The following COL19A1 variants were observed in gnomAD, a reference collection of about 807,000 sequenced individuals.
COL19A1 encodes the protein collagen alpha-1(XIX) chain.
COL19A1 carries 159 observed loss-of-function variants against 190.2 expected under a neutral mutation model. That is an observed-to-expected ratio of 0.84 (90% CI 0.73 to 0.95). The LOEUF (loss-of-function observed/expected upper bound fraction) is 0.95. Ranked by LOEUF, COL19A1 falls within the 40% of genes least tolerant of loss-of-function variation. The pLI is 0.00. For missense variants in COL19A1, 1,418 were observed against 1,431.9 expected (o/e 0.99, Z 0.16); for synonymous variants, 509 against 458.9 (o/e 1.11, Z -1.39).
chr6:70,139,279 G>A (rs1380891047), intron 19 of COL19A1, among the ~76,000 whole-genome samples: 1 of 152,078 alleles, frequency 6.6e-6, no homozygotes, highest in African/African-American at 2.4e-5. Context: ...ACTTTAAGCA[G>A]CAAGGGTTGA....
At chr6:70,043,604 T>A (rs1261926232) in intron 14 of COL19A1, among the ~76,000 whole-genome samples, 1 of 152,260 alleles carries the variant, frequency 6.6e-6, no homozygotes, top group Non-Finnish European at 1.5e-5. Context: ...CGTCTCCTTG[T>A]ACATCACCAT....
chr6:70,088,120 C>T (rs1018241773), intron 15 of COL19A1, among the ~76,000 whole-genome samples: 5 of 152,068 alleles, frequency 3.3e-5, no homozygotes, highest in Non-Finnish European at 2.9e-5. Flanking sequence ...GAGTTCATTC[C>T]GTGGCAGCTA....
At chr6:70,100,532 ATTTTTTTTTTTT>A in intron 15 of COL19A1, among the ~76,000 whole-genome samples, 1 of 107,128 alleles carries the variant, frequency 9.3e-6, no homozygotes, top group East Asian at 2.9e-4. Flanking sequence ...TGTGTTTTTA[ATTTTTTTTTTTT>A]TTTTTTTTGA....
At chr6:69,949,231 C>G (rs1441388406) in intron 9 of COL19A1, among the ~76,000 whole-genome samples, 1 of 151,802 alleles carries the variant, frequency 6.6e-6, no homozygotes, top group Non-Finnish European at 1.5e-5. Context: ...AGAGACCGTA[C>G]TTAGTGGTTA....
chr6:70,172,156 T>C, intron 41 of COL19A1, 139 bp downstream of exon 41: 1 of 657,228 alleles, frequency 1.5e-6, no homozygotes, highest in East Asian at 2.9e-5. Flanking sequence ...CTCATGGGAC[T>C]TACATTCTAG....
intron 16 of COL19A1, among the ~76,000 whole-genome samples, chr6:70,119,386 C>T (rs1784754525): frequency 6.6e-6 from 1 of 152,178 alleles, no homozygotes; most frequent in Non-Finnish European, 1.5e-5. Flanking sequence ...ACTTTCCCGC[C>T]TCCTGCACCA....
At chr6:70,123,571 A>G (rs1273096082) in intron 17 of COL19A1, among the ~76,000 whole-genome samples, 1 of 132,812 alleles carries the variant, frequency 7.5e-6, no homozygotes, top group South Asian at 2.6e-4. Context: ...ATGTCCAACA[A>G]TGATAGACTG....
At chr6:69,995,682 C>T (rs540627085) in intron 11 of COL19A1, among the ~76,000 whole-genome samples, 1 of 152,086 alleles carries the variant, frequency 6.6e-6, no homozygotes, top group East Asian at 1.9e-4. Context: ...TTAACTAGAT[C>T]TTAGAAATGG....
intron 1 of COL19A1, among the ~76,000 whole-genome samples, chr6:69,875,954 C>G (rs991655869): frequency 4.0e-5 from 6 of 151,886 alleles, no homozygotes; most frequent in Admixed American, 3.9e-4. Context: ...GCTCACAGAT[C>G]CCAGTATTAA....
chr6:69,960,984 T>C (rs1321224241), intron 10 of COL19A1, among the ~76,000 whole-genome samples: 1 of 152,132 alleles, frequency 6.6e-6, no homozygotes, highest in African/African-American at 2.4e-5. Context: ...CAAGCATTAC[T>C]AAAAACACAG....
Position 70,211,032 on chromosome 6 carries a change from T to C in COL19A1, c.*3758T>C, listed in dbSNP as rs866893388. On this transcript the variant is annotated 3_prime_UTR_variant, in exon 51 of 51. Transcript: ENST00000620364. Reference sequence around the variant, plus strand: ...ACAGCTAAATAATTATCCTACTTTTTAGACAGGACAGATACTCTCAACAGA... The same window carrying C: ...ACAGCTAAATAATTATCCTACTTTTCAGACAGGACAGATACTCTCAACAGA... Among the ~76,000 whole-genome samples the C allele has an allele frequency of 2.1e-5, 3 of 142,236 alleles. No individual in the cohort carries two copies. The highest frequency in any genetic ancestry group is 4.6e-5 in the Non-Finnish European group (3 of 64,770). The allele number at this position is 142,236 out of a possible 152,430, so 93.3% of individuals were successfully genotyped here.
intron 11 of COL19A1, among the ~76,000 whole-genome samples, chr6:70,009,010 C>T (rs1458251199): frequency 6.6e-6 from 1 of 151,922 alleles, no homozygotes. Flanking sequence ...GTTTGTCACT[C>T]TGATAAGAGG....
intron 4 of COL19A1, among the ~76,000 whole-genome samples, chr6:69,912,304 G>A (rs1311066397): frequency 1.3e-5 from 2 of 151,826 alleles, no homozygotes; most frequent in Non-Finnish European, 2.9e-5. Context: ...ATGTTCTCAG[G>A]CCTCGTTAAT....
intron 41 of COL19A1, among the ~76,000 whole-genome samples, chr6:70,176,048 T>A (rs1370430180): frequency 6.6e-6 from 1 of 152,196 alleles, no homozygotes; most frequent in Non-Finnish European, 1.5e-5. Context: ...GATCTTCTAA[T>A]TGGCCAAATG....
intron 49 of COL19A1, among the ~76,000 whole-genome samples, chr6:70,202,981 G>A (rs957065293): frequency 2.0e-5 from 3 of 152,012 alleles, no homozygotes; most frequent in African/African-American, 7.3e-5. Context: ...TCCCACCTGG[G>A]GCTTGCAGCA....
At chr6:70,184,951 T>C (rs1331832099) in intron 46 of COL19A1, 36 bp downstream of exon 46, 1 of 1,589,996 alleles carries the variant, frequency 6.3e-7, no homozygotes, top group Non-Finnish European at 8.6e-7. Flanking sequence ...TATTCAAGTC[T>C]GTCTGTTACA....
chr6:70,068,630 C>A (rs1262946854), intron 15 of COL19A1, among the ~76,000 whole-genome samples, 154 bp downstream of exon 15: 1 of 151,788 alleles, frequency 6.6e-6, no homozygotes, highest in Admixed American at 6.6e-5. Context: ...GAGATTTTGA[C>A]AGAGGTTTTG....
intron 4 of COL19A1, among the ~76,000 whole-genome samples, chr6:69,915,769 C>T (rs1384306584): frequency 1.3e-5 from 2 of 152,042 alleles, no homozygotes; most frequent in Admixed American, 1.3e-4. Flanking sequence ...TGTTGTTCTT[C>T]CCAAAGTATG....
Position 70,147,402 on chromosome 6 carries a change from C to T in COL19A1, c.1893+513C>T, listed in dbSNP as rs143950542. On this transcript the variant is annotated intron_variant, in intron 27 of 50. Coordinates refer to ENST00000620364, the MANE Select transcript of COL19A1 (RefSeq NM_001858.6). ...AGTATTTAAACTATAAGGACAGAGC[C>T]TAGAACAGCCCCTATTAATAATGAC... Among the ~76,000 whole-genome samples the T allele has an allele frequency of 2.2e-3, 332 of 152,090 alleles. 3 individuals carry two copies. Among genetic ancestry groups the T allele is most frequent in the African/African-American group, 6.1e-3 (255 of 41,486 alleles).
Sources: gnomAD v4.1 joint callset for allele counts (sites outside exome capture counted in the v4.1 genomes callset) on GRCh38, gnomAD v4.1.1 for gene constraint, MANE v1.5 for transcripts, NCBI Gene and HGNC (gene_info 2026-07-23, HGNC 2026-07-21) for gene names.